Variants in NTMT1 observed in about 807,000 individuals in gnomAD.
NTMT1 encodes N-terminal Xaa-Pro-Lys N-methyltransferase 1, also known as N-terminal RCC1 methyltransferase.
Under a neutral mutation model 17.5 loss-of-function variants are expected in NTMT1, and 8 were observed. The ratio of observed to expected loss-of-function variants is 0.46; its 90% CI spans 0.27 to 0.82. NTMT1 has a LOEUF of 0.82. Among genes scored for constraint, NTMT1 ranks in the 40% least tolerant of loss-of-function variants. The pLI is 0.15. For missense variants in NTMT1, 221 were observed against 303.5 expected (o/e 0.73, Z 2.02); for synonymous variants, 128 against 126.8 (o/e 1.01, Z -0.06).
At chr9:129,615,354 T>C in intron 1 of NTMT1, 1 of 1,012,068 alleles carries the variant, frequency 9.9e-7, no homozygotes, top group Non-Finnish European at 1.4e-6. Context: ...AGGCACATCC[T>C]CTGCAGGATC....
upstream of NTMT1, among the ~76,000 whole-genome samples, chr9:129,623,116 G>A (rs548695449): frequency 1.3e-5 from 2 of 152,092 alleles, no homozygotes; most frequent in Admixed American, 6.5e-5. Flanking sequence ...GGTGGATCAT[G>A]AGGTCAGGAG....
At position 129,634,169 on chromosome 9, in the gene NTMT1, C is replaced by G. The variant is rs778464626; in HGVS notation, c.278C>G (p.Thr93Arg). The G allele has an allele frequency of 6.2e-7, 1 of 1,614,132 alleles. No homozygotes were observed. Among genetic ancestry groups the G allele is most frequent in the East Asian group, 2.2e-5 (1 of 44,882 alleles). ...LFREVDMVDITEDFLVQAKTY... is the reference protein window; with the variant it reads ...LFREVDMVDIREDFLVQAKTY... ...AGAGAGGTGGATATGGTCGACATAA[C>G]GGAGGACTTCCTGGTTCAAGCCAAG... Residue 93 changes from threonine (T) to arginine (R), a missense_variant, in exon 3 of 4, where the codon ACG (threonine) becomes AGG (arginine). Thr to Arg is a moderately conservative substitution (Grantham distance 71). Coordinates refer to ENST00000372483, the MANE Select transcript of NTMT1 (RefSeq NM_014064.4).
At chr9:129,633,360 G>C (rs912045691) in intron 2 of NTMT1, 1 of 240,574 alleles carries the variant, frequency 4.2e-6, no homozygotes, top group Non-Finnish European at 7.9e-6. Context: ...GCTCCATCCA[G>C]CGCCTCCCCT....
intron 1 of NTMT1, among the ~76,000 whole-genome samples, chr9:129,617,504 G>C (rs1185467858): frequency 6.6e-6 from 1 of 152,230 alleles, no homozygotes; most frequent in Non-Finnish European, 1.5e-5. Context: ...ACACAGTAAG[G>C]TGCTCAAGTA....
In NTMT1 at chr9:129,632,761, T is replaced by G; in HGVS notation, c.58T>G (p.Trp20Gly). 1 of 1,614,182 alleles carries G rather than the reference T, an allele frequency of 6.2e-7. No homozygotes were observed. Among genetic ancestry groups the G allele is most frequent in the Non-Finnish European group, 8.5e-7 (1 of 1,180,024 alleles). ...KQFYSKAKTY[W>G]KQIPPTVDGM... ...ATTCTATTCCAAGGCCAAGACCTAC[T>G]GGAAACAAATCCCACCCACGGTGGA... The change falls in exon 2 of 4, where the codon TGG becomes GGG. Residue 20 changes from tryptophan to glycine, a missense_variant. By Grantham distance (184) the Trp-to-Gly change is radical. Transcript: ENST00000372483.
At chr9:129,618,093 T>C (rs1316173319) in intron 1 of NTMT1, among the ~76,000 whole-genome samples, 4 of 152,194 alleles carry the variant, frequency 2.6e-5, no homozygotes, top group African/African-American at 9.6e-5. Flanking sequence ...ATTAGTTTTG[T>C]CTGCTGTGGG....
At chr9:129,629,707 C>G (rs1205526202) in intron 1 of NTMT1, among the ~76,000 whole-genome samples, 1 of 152,170 alleles carries the variant, frequency 6.6e-6, no homozygotes, top group Non-Finnish European at 1.5e-5. Context: ...CCAAAGGGCT[C>G]CCTGATTGGT....
intron 2 of NTMT1, 88 bp from the exon 3 acceptor site, chr9:129,633,966 C>T (rs757396364): frequency 2.1e-5 from 30 of 1,453,016 alleles, no homozygotes; most frequent in Non-Finnish European, 2.7e-5. Flanking sequence ...GGAATCCTGA[C>T]TTGAGTCTAA....
At chr9:129,634,446 C>A (rs1294792075) in intron 3 of NTMT1, 140 bp downstream of exon 3, 2 of 902,480 alleles carry the variant, frequency 2.2e-6, no homozygotes, top group Middle Eastern at 3.5e-4. Flanking sequence ...GGCCCACCCC[C>A]ACCCCGTACT....
intron 1 of NTMT1, chr9:129,619,496 AC>A: frequency 6.4e-7 from 1 of 1,554,712 alleles, no homozygotes. Context: ...CCACTACCCT[AC>A]CCTTATCCCG....
At chr9:129,629,337 G>A (rs561303780) in intron 1 of NTMT1, among the ~76,000 whole-genome samples, 1 of 152,184 alleles carries the variant, frequency 6.6e-6, no homozygotes, top group South Asian at 2.1e-4. Flanking sequence ...TCAGCTACCC[G>A]GGCACATCTA....
chr9:129,631,107 C>T (rs1564347139), intron 1 of NTMT1, among the ~76,000 whole-genome samples: 1 of 152,214 alleles, frequency 6.6e-6, no homozygotes, highest in Non-Finnish European at 1.5e-5. Context: ...CCTCTGTCTG[C>T]CCCACCCCCT....
rs899774755 is a variant in NTMT1, at chr9:129,613,010, C to T, written c.-55+3832C>T. Reference sequence around the variant, plus strand: ...TTGGCTCTCAGGGAGGGTCCACTCCCAGCCCCAGCCACTCCACCAAACAGG... The same window carrying T: ...TTGGCTCTCAGGGAGGGTCCACTCCTAGCCCCAGCCACTCCACCAAACAGG... On this transcript the variant is annotated intron_variant, in intron 1 of 3. Transcript: ENST00000372486. The surrounding 1 kb of genome is among the most constrained non-coding windows in gnomAD (Gnocchi z 6.2). The T allele has an allele frequency of 5.9e-6, 9 of 1,516,438 alleles. No homozygotes were observed. Among genetic ancestry groups the T allele is most frequent in the Non-Finnish European group, 7.1e-6 (8 of 1,119,852 alleles). 93.9% of individuals were successfully genotyped at this position (1,516,438 alleles called of 1,614,324 possible). A position where few individuals can be genotyped will look rare whatever the true frequency, so the allele number is the denominator to read the frequency against.
chr9:129,635,641 G>A lies in NTMT1; in HGVS notation c.*177G>A. On this transcript the variant is annotated 3_prime_UTR_variant, in exon 4 of 4. Coordinates refer to ENST00000372483, the MANE Select transcript of NTMT1 (RefSeq NM_014064.4). ...TCAAAAGGCAAGGTGGGACCCGGCGGGGAGGGTGCTGCTGAACCAGCGGTG... is the reference window on the plus strand; with the variant it reads ...TCAAAAGGCAAGGTGGGACCCGGCGAGGAGGGTGCTGCTGAACCAGCGGTG... The A allele has an allele frequency of 1.3e-6, 1 of 780,676 alleles. No homozygotes were observed. Among genetic ancestry groups the A allele is most frequent in the Non-Finnish European group, 2.1e-6 (1 of 486,604 alleles). The allele number at this position is 780,676 out of a possible 1,614,324, so 48.4% of individuals were successfully genotyped here. A position where few individuals can be genotyped will look rare whatever the true frequency, so the allele number is the denominator to read the frequency against.
At chr9:129,618,507 AGAT>A (rs1830501647) in intron 1 of NTMT1, among the ~76,000 whole-genome samples, 1 of 152,152 alleles carries the variant, frequency 6.6e-6, no homozygotes, top group Non-Finnish European at 1.5e-5. Flanking sequence ...GTAGATGGAC[AGAT>A]GCGTGGCTGG....
intron 3 of NTMT1, 129 bp downstream of exon 3, chr9:129,634,435 A>T: frequency 1.1e-6 from 1 of 899,494 alleles, no homozygotes; most frequent in Non-Finnish European, 1.5e-6. Flanking sequence ...CACCCCGCCC[A>T]GGCCCACCCC....
chr9:129,620,647 C>A lies in NTMT1; in HGVS notation c.-55+11469C>A. On this transcript the variant is annotated intron_variant, in intron 1 of 3. Coordinates refer to the NTMT1 transcript ENST00000372486. The surrounding 1 kb of genome is among the most constrained non-coding windows in gnomAD (Gnocchi z 5.8). ...GGGGCGCCGGCTGAGGTGGGGAGGG[C>A]ATAGTCCAGCCCCAGGCCATAGTGC... The A allele has an allele frequency of 8.1e-7, 1 of 1,235,450 alleles. No individual in the cohort carries two copies. Among genetic ancestry groups the A allele is most frequent in the Non-Finnish European group, 1.0e-6 (1 of 980,300 alleles). 76.5% of individuals were successfully genotyped at this position (1,235,450 alleles called of 1,614,324 possible).
Position 129,613,326 on chromosome 9 carries a change from G to A in NTMT1, c.-55+4148G>A, listed in dbSNP as rs1830177765. The A allele has an allele frequency of 2.1e-5, 33 of 1,565,158 alleles. No homozygotes were observed. The highest frequency in any genetic ancestry group is 2.9e-5 in the Non-Finnish European group (33 of 1,154,662). On this transcript the variant is annotated intron_variant, in intron 1 of 3. Coordinates refer to the NTMT1 transcript ENST00000372486. The surrounding 1 kb of genome is among the most constrained non-coding windows in gnomAD (Gnocchi z 6.2). ...CACCCATGGCTGGCAGGGCCCTTGAGGACCCACACTGGCAACCCGCCTGCT... is the reference window on the plus strand; with the variant it reads ...CACCCATGGCTGGCAGGGCCCTTGAAGACCCACACTGGCAACCCGCCTGCT...
In NTMT1 at chr9:129,635,609, C is replaced by A; in HGVS notation, c.*145C>A. 1 of 1,061,136 alleles carries A rather than the reference C, an allele frequency of 9.4e-7. No individual in the cohort carries two copies. Among genetic ancestry groups the A allele is most frequent in the Non-Finnish European group, 1.4e-6 (1 of 735,346 alleles). The allele number at this position is 1,061,136 out of a possible 1,614,324, so 65.7% of individuals were successfully genotyped here. A position where few individuals can be genotyped will look rare whatever the true frequency, so the allele number is the denominator to read the frequency against. On this transcript the variant is annotated 3_prime_UTR_variant, in exon 4 of 4. Transcript: ENST00000372483. ...GTCTGCCGTCCACTCATTATGCGGGCTCTTCTTCAAAAGGCAAGGTGGGAC... is the reference window on the plus strand; with the variant it reads ...GTCTGCCGTCCACTCATTATGCGGGATCTTCTTCAAAAGGCAAGGTGGGAC...
Sources: allele counts gnomAD v4.1 joint callset (sites outside exome capture counted in the v4.1 genomes callset), GRCh38; gene constraint gnomAD v4.1.1; non-coding constraint Gnocchi (gnomAD v3.1); transcripts MANE v1.5; gene names NCBI Gene and HGNC (gene_info 2026-07-23, HGNC 2026-07-21).